LRP1: variants seen among roughly 807,000 people sequenced by gnomAD.
LRP1 encodes prolow-density lipoprotein receptor-related protein 1.
In LRP1, 51 loss-of-function variants were observed where a neutral mutation model predicts 541.5. The ratio of observed to expected loss-of-function variants is 0.09; its 90% CI spans 0.08 to 0.12. LRP1 has a LOEUF of 0.12. Ranked by LOEUF, LRP1 falls within the 10% of genes least tolerant of loss-of-function variation. The pLI, the probability that LRP1 is intolerant of heterozygous loss-of-function variation, is 1.00. For missense variants in LRP1, 3,878 were observed against 6,376.2 expected (o/e 0.61, Z 13.34); for synonymous variants, 2,219 against 2,470.8 (o/e 0.90, Z 3.02).
At position 57,197,431 on chromosome 12, in the gene LRP1, G is replaced by A; in HGVS notation, c.9162+47G>A. 6.2e-7 allele frequency: 1 copy of A among 1,610,090 alleles called. No homozygotes were observed. The highest frequency in any genetic ancestry group is 8.5e-7 in the Non-Finnish European group (1 of 1,176,976). On this transcript the variant is annotated intron_variant, in intron 57 of 88. Transcript: ENST00000243077. The surrounding 1 kb of genome is among the most constrained non-coding windows in gnomAD (Gnocchi z 4.5). ...CCCCGCTGCCCATCTCCCAGACCCA[G>A]CACAGCCTCCCTTGCAAGTCTCCCC...
intron 1 of LRP1, among the ~76,000 whole-genome samples, chr12:57,132,723 A>T (rs557932106): frequency 2.9e-4 from 44 of 152,164 alleles, no homozygotes; most frequent in African/African-American, 9.9e-4. Context: ...CCTTTGTGAC[A>T]TTCTCTGCCC....
At chr12:57,136,938 C>T (rs2035182673) in intron 1 of LRP1, among the ~76,000 whole-genome samples, 1 of 152,106 alleles carries the variant, frequency 6.6e-6, no homozygotes, top group Non-Finnish European at 1.5e-5. Flanking sequence ...ACATACTGAG[C>T]CCACAATAAG....
In LRP1 at chr12:57,195,055, C is replaced by T. The variant is rs35967775; in HGVS notation, c.8262C>T (p.Asp2754=). 6,691 of 1,614,012 alleles carry T rather than the reference C, an allele frequency of 4.1e-3. 12 individuals are homozygous for T. Among genetic ancestry groups the T allele is most frequent in the Middle Eastern group, 5.3e-3 (32 of 6,060 alleles). Residue 2754 remains aspartate (D), a synonymous_variant, in exon 51 of 89, where the codon GAC becomes GAT. Transcript: ENST00000243077. The part of the protein sequence containing the change: ...HRCISKQWLC[D]GSDDCGDGSD... ...GCATCTCCAAGCAGTGGCTGTGTGA[C>T]GGCAGCGATGACTGTGGGGATGGCT...
At chr12:57,199,511 T>A in intron 61 of LRP1, 111 bp downstream of exon 61, 1 of 1,199,962 alleles carries the variant, frequency 8.3e-7, no homozygotes, top group Non-Finnish European at 1.2e-6. Context: ...GGCCAGACAC[T>A]GGGAGACTCC....
rs2136678931 is a variant in LRP1, at chr12:57,158,759, A to G, written c.1798+121A>G. On this transcript the variant is annotated intron_variant, in intron 11 of 88. Transcript: ENST00000243077. The surrounding 1 kb of genome is among the most constrained non-coding windows in gnomAD (Gnocchi z 5.3). ...TGACTGGCTGGCTGCACTGGTTGGC[A>G]TGGAGATGAGGGGATAGACAGATTG... 2 of 908,660 alleles carry G rather than the reference A, an allele frequency of 2.2e-6. No homozygotes were observed. The highest frequency in any genetic ancestry group is 3.5e-6 in the Non-Finnish European group (2 of 577,472). The allele number at this position is 908,660 out of a possible 1,614,324, so 56.3% of individuals were successfully genotyped here.
At chr12:57,149,874 A>G (rs1420306621) in intron 6 of LRP1, 3 of 654,722 alleles carry the variant, frequency 4.6e-6, no homozygotes, top group Admixed American at 2.2e-5. Context: ...ACTCTCCGCC[A>G]TCTCTCCCAG....
At position 57,180,393 on chromosome 12, in the gene LRP1, A is replaced by G. The variant is rs1220427767; in HGVS notation, c.5300A>G (p.Asn1767Ser). Residue 1767 changes from asparagine (N) to serine (S), a missense_variant, in exon 32 of 89, where the codon AAC becomes AGC. By Grantham distance (46) the Asn-to-Ser change is conservative. This residue lies in a region of LRP1 where 394 missense variants were observed against 635.9 expected (regional missense o/e 0.62). Transcript: ENST00000243077. ...YWISSGNHTINRCNLDGSGLE... is the reference protein window; with the variant it reads ...YWISSGNHTISRCNLDGSGLE... Reference sequence around the variant, plus strand: ...ATCAGCTCCGGGAACCATACCATCAACCGCTGCAACCTGGATGGGAGTGGG... The same window carrying G: ...ATCAGCTCCGGGAACCATACCATCAGCCGCTGCAACCTGGATGGGAGTGGG... The G allele has an allele frequency of 1.9e-6, 3 of 1,613,966 alleles. No homozygotes were observed. In the African/African-American group the frequency reaches 4.0e-5, roughly 22 times the overall value.
intron 34 of LRP1, among the ~76,000 whole-genome samples, chr12:57,182,229 G>A (rs1034067785): frequency 1.7e-4 from 26 of 152,142 alleles, no homozygotes; most frequent in African/African-American, 6.3e-4. Flanking sequence ...GGGAAAACTG[G>A]GCCAGGCGCA....
rs1198675271 is a variant in LRP1, at chr12:57,129,030, C to T, written c.66C>T (p.Asp22=). The part of the protein sequence containing the change: ...LLSALVAAAI[D]APKTCSPKQF... The stretch of plus-strand genomic sequence containing the variant: ...CAGCTCTGGTCGCGGCGGCTATCGA[C>T]GGTGAGTGAGATTCCGCGTCCCCCT... The change falls in exon 1 of 89, where the codon GAC becomes GAT. Residue 22 remains aspartate (D), a splice_region_variant and synonymous_variant. Transcript: ENST00000243077. 1.9e-6 allele frequency: 3 copies of T among 1,551,348 alleles called. No homozygotes were observed. In the Admixed American group the frequency reaches 5.9e-5, roughly 30 times the overall value.
In LRP1 at chr12:57,128,611, C is replaced by T; in HGVS notation, c.-354C>T. 1 of 415,260 alleles carries T rather than the reference C, an allele frequency of 2.4e-6. No homozygotes were observed. The highest frequency in any genetic ancestry group is 4.3e-6 in the Non-Finnish European group (1 of 234,388). The allele number at this position is 415,260 out of a possible 1,614,324, so 25.7% of individuals were successfully genotyped here. ...CCTACCCGGTCCACGCCCCCCACCC[C>T]CCCTCCCCGCCTCCTCCCAATTGTG... On this transcript the variant is annotated 5_prime_UTR_variant, in exon 1 of 89. Transcript: ENST00000243077.
chr12:57,151,177 G>A (rs1411010802), intron 6 of LRP1, among the ~76,000 whole-genome samples: 1 of 152,160 alleles, frequency 6.6e-6, no homozygotes, highest in African/African-American at 2.4e-5. Flanking sequence ...CACCATGTAT[G>A]GAAATGCCTC....
chr12:57,208,086 G>A lies in LRP1; in HGVS notation c.11908G>A (p.Gly3970Arg), dbSNP rs1309594578. 6.2e-6 allele frequency: 10 copies of A among 1,614,086 alleles called. No homozygotes were observed. The highest frequency in any genetic ancestry group is 2.2e-5 in the East Asian group (1 of 44,906). Residue 3970 changes from glycine to arginine, a missense_variant, in exon 77 of 89, where the codon GGA (glycine) becomes AGA (arginine). Gly to Arg is a moderately radical substitution (Grantham distance 125, BLOSUM62 -2). This residue lies in a region of LRP1 where 871 missense variants were observed against 1,212.4 expected (regional missense o/e 0.72). Coordinates refer to ENST00000243077, the MANE Select transcript of LRP1 (RefSeq NM_002332.3). Reference sequence around the variant, plus strand: ...AGGCATCGCCATCGACTGGGTGGCCGGAAACGTGTACTGGACCGACTCGGG... The same window carrying A: ...AGGCATCGCCATCGACTGGGTGGCCAGAAACGTGTACTGGACCGACTCGGG... ...PRGIAIDWVA[G>R]NVYWTDSGRD...
At chr12:57,160,805 T>C (rs1410771605) in intron 12 of LRP1, 88 bp from the exon 13 acceptor site, 2 of 955,646 alleles carry the variant, frequency 2.1e-6, no homozygotes, top group African/African-American at 3.2e-5. Flanking sequence ...TGTGAGGAGC[T>C]CTGGGACAGC....
chr12:57,189,166 C>T lies in LRP1; in HGVS notation c.7032-1639C>T, dbSNP rs12824098. ...ACCCCAGGAAAGCCTCTCTCTCCCT[C>T]CTGCCCCATTCCTGGGAAGCAGGTT... On this transcript the variant is annotated intron_variant, in intron 42 of 88. Coordinates refer to ENST00000243077, the MANE Select transcript of LRP1 (RefSeq NM_002332.3). The surrounding 1 kb of genome is among the most constrained non-coding windows in gnomAD (Gnocchi z 4.4). Among the ~76,000 whole-genome samples, 1 of 152,216 alleles carries T rather than the reference C, an allele frequency of 6.6e-6. No homozygotes were observed. Among genetic ancestry groups the T allele is most frequent in the East Asian group, 1.9e-4 (1 of 5,192 alleles).
Position 57,193,568 on chromosome 12 carries a change from T to A in LRP1, c.7687T>A (p.Ser2563Thr). 2 of 1,613,544 alleles carry A rather than the reference T, an allele frequency of 1.2e-6. No homozygotes were observed. The highest frequency in any genetic ancestry group is 1.1e-5 in the South Asian group (1 of 91,050). The change falls in exon 47 of 89, where the codon TCC becomes ACC. Residue 2563 changes from serine to threonine, a missense_variant and splice_region_variant. Ser to Thr is a moderately conservative substitution (Grantham distance 58, BLOSUM62 1). Around this residue, in one of 13 missense-constraint regions of LRP1, gnomAD observed 1,100 missense variants for 1,827.4 expected, o/e 0.60. Coordinates refer to ENST00000243077, the MANE Select transcript of LRP1 (RefSeq NM_002332.3). Reference protein sequence around the residue: ...KSDEKPSYCNSRRCKKTFRQC... With the variant: ...KSDEKPSYCNTRRCKKTFRQC... ...GCAGCCTACTCCTCCATTTGCAGACTCCCGCCGCTGCAAGAAGACTTTCCG... is the reference window on the plus strand; with the variant it reads ...GCAGCCTACTCCTCCATTTGCAGACACCCGCCGCTGCAAGAAGACTTTCCG...
Position 57,204,207 on chromosome 12 carries a change from C to A in LRP1, c.10952-203C>A, listed in dbSNP as rs1592660359. The A allele has an allele frequency of 7.4e-6, 4 of 539,342 alleles. No individual in the cohort carries two copies. In the South Asian group the frequency reaches 1.0e-4, roughly 14 times the overall value. 33.4% of individuals were successfully genotyped at this position (539,342 alleles called of 1,614,324 possible). On this transcript the variant is annotated intron_variant, in intron 70 of 88. Transcript: ENST00000243077. The surrounding 1 kb of genome is among the most constrained non-coding windows in gnomAD (Gnocchi z 5.3). The stretch of plus-strand genomic sequence containing the variant: ...AGTGCCCTCTGAACTCCTCCAGACA[C>A]CCCTGAAAAATGGCCTCTTCTCCCC...
rs1555185599 is a variant in LRP1, at chr12:57,185,632, G to T, written c.6565G>T (p.Glu2189Ter). 6.2e-7 allele frequency: 1 copy of T among 1,611,948 alleles called. No homozygotes were observed. The stretch of plus-strand genomic sequence containing the variant: ...CGCCTGTGCCCACGGGATGCTGGCT[G>T]AAGACGGAGCATCGTGCCGCGAGTA... Reference protein sequence around the residue: ...ACACAHGMLAEDGASCREYAG... With the variant: ...ACACAHGMLA The change falls in exon 41 of 89, where the codon GAA (glutamate) becomes TAA (stop). Residue 2189 changes from glutamate (E) to a stop codon, truncating the protein, a stop_gained. Transcript: ENST00000243077. LOFTEE classifies it high-confidence loss of function. The surrounding 1 kb of genome is among the most constrained non-coding windows in gnomAD (Gnocchi z 4.9).
chr12:57,147,575 C>T (rs1033392278), intron 6 of LRP1: 4 of 152,224 alleles, frequency 2.6e-5, no homozygotes, highest in Non-Finnish European at 5.9e-5. Flanking sequence ...TGACTGTGAC[C>T]TCTGTTGGAC....
chr12:57,202,801 C>T, intron 68 of LRP1: 1 of 584,748 alleles, frequency 1.7e-6, no homozygotes, highest in South Asian at 2.0e-5. Flanking sequence ...CCACCATACC[C>T]CCACCTCTGT....
Sources: gnomAD v4.1 joint callset for allele counts (sites outside exome capture counted in the v4.1 genomes callset) on GRCh38, gnomAD v4.1.1 for gene constraint, gnomAD v4.1.1 regional missense constraint, Gnocchi (gnomAD v3.1) non-coding constraint, MANE v1.5 for transcripts, NCBI Gene and HGNC (gene_info 2026-07-23, HGNC 2026-07-21) for gene names.